The following GAB4 variants were observed in gnomAD, a reference collection of about 807,000 sequenced individuals.
GAB4 encodes the protein GRB2 associated binding protein family member 4, also known as GRB2-associated-binding protein 4.
GAB4 carries 26 observed loss-of-function variants against 51.3 expected under a neutral mutation model. That is an observed-to-expected ratio of 0.51 (90% confidence interval 0.37 to 0.70). The LOEUF is 0.70. Ranked by LOEUF, GAB4 falls within the 30% of genes least tolerant of loss-of-function variation. GAB4 has a pLI of 0.00. For missense variants in GAB4, 759 were observed against 734.6 expected (o/e 1.03, Z -0.38); for synonymous variants, 329 against 291.2 (o/e 1.13, Z -1.32).
intron 1 of GAB4, among the ~76,000 whole-genome samples, chr22:16,993,650 G>A (rs936187262): frequency 1.3e-5 from 2 of 152,152 alleles, no homozygotes; most frequent in Non-Finnish European, 2.9e-5. Context: ...AACAGCTGGA[G>A]AGAAATACAC....
chr22:16,964,595 T>C (rs1157691670), intron 8 of GAB4, among the ~76,000 whole-genome samples, 171 bp downstream of exon 8: 1 of 152,140 alleles, frequency 6.6e-6, no homozygotes, highest in Non-Finnish European at 1.5e-5. Flanking sequence ...TTCCTAACCC[T>C]AATGATTGCC....
chr22:16,969,380 G>C (rs2060710351), intron 4 of GAB4, among the ~76,000 whole-genome samples: 1 of 152,204 alleles, frequency 6.6e-6, no homozygotes, highest in African/African-American at 2.4e-5. Context: ...AGAATGTTCT[G>C]TCTCCCTTAG....
chr22:16,962,867 C>G lies in GAB4; in HGVS notation c.1591G>C (p.Gly531Arg), dbSNP rs2060640362. The stretch of plus-strand genomic sequence containing the variant: ...ACCTTCTTGCCGGACGTGACAGAGC[C>G]TATGGATGGCTGAGGGACAGAGGGT... ...LDFQPSKPSI[G>R]SVTSGKKVDY... The change falls in exon 10 of 10, where the codon GGC becomes CGC. Residue 531 changes from glycine to arginine, a missense_variant. Gly to Arg is a moderately radical substitution (Grantham distance 125). Around this residue, in one of 3 missense-constraint regions of GAB4, gnomAD observed 588 missense variants for 510.2 expected, o/e 1.15. Transcript: ENST00000400588. 1 of 1,612,628 alleles carries G rather than the reference C, an allele frequency of 6.2e-7. No individual in the cohort carries two copies. The highest frequency in any genetic ancestry group is 1.3e-5 in the African/African-American group (1 of 75,010).
Position 16,969,950 on chromosome 22 carries a change from A to G in GAB4, c.930T>C (p.Asp310=), listed in dbSNP as rs1403959522. Residue 310 remains aspartate, a synonymous_variant, in exon 4 of 10, where the codon GAT becomes GAC. Coordinates refer to ENST00000400588, the MANE Select transcript of GAB4 (RefSeq NM_001037814.1). ...TRGSLTGSEA[D]NEASSGKYTQ... is the part of the protein sequence containing the mutation. The stretch of plus-strand genomic sequence containing the variant: ...CCTTGAAGGGGTACACACCCTCATT[A>G]TCCGCCTCAGAGCCTGTGAGGCTGC... The G allele has an allele frequency of 6.2e-7, 1 of 1,614,120 alleles. No individual in the cohort carries two copies. Among genetic ancestry groups the G allele is most frequent in the Non-Finnish European group, 8.5e-7 (1 of 1,180,024 alleles).
intron 5 of GAB4, 140 bp downstream of exon 5, chr22:16,968,158 T>C: frequency 1.5e-6 from 1 of 659,840 alleles, no homozygotes. Flanking sequence ...GAACCTATGG[T>C]TCTGAACTGA....
intron 6 of GAB4, 128 bp from the exon 7 acceptor site, chr22:16,965,396 G>C: frequency 1.4e-6 from 1 of 698,932 alleles, no homozygotes; most frequent in Non-Finnish European, 2.5e-6. Context: ...TGTGTGCGGG[G>C]GACTGAGGCT....
At chr22:16,996,818 C>T (rs1308744405) in intron 1 of GAB4, among the ~76,000 whole-genome samples, 1 of 119,216 alleles carries the variant, frequency 8.4e-6, no homozygotes, top group African/African-American at 3.3e-5. Flanking sequence ...CCCCTCCCTC[C>T]ACCCCACAAC....
At chr22:16,966,065 G>C in intron 6 of GAB4, 35 bp downstream of exon 6, 2 of 1,605,284 alleles carry the variant, frequency 1.2e-6, no homozygotes, top group South Asian at 1.1e-5. Context: ...AGAGTCCCTG[G>C]ACATTGTCAA....
intron 3 of GAB4, among the ~76,000 whole-genome samples, chr22:16,970,637 C>T (rs768400993): frequency 4.6e-5 from 7 of 152,214 alleles, no homozygotes; most frequent in East Asian, 1.9e-4. Context: ...GGCTGAGAGA[C>T]GGTGGGGAGA....
chr22:16,973,594 G>A (rs1325687121), intron 3 of GAB4, among the ~76,000 whole-genome samples: 1 of 152,110 alleles, frequency 6.6e-6, no homozygotes, highest in African/African-American at 2.4e-5. Flanking sequence ...GCTTCTCTCT[G>A]ATGCATCAAA....
chr22:16,998,104 G>C (rs1351439278), intron 1 of GAB4, among the ~76,000 whole-genome samples: 1 of 152,158 alleles, frequency 6.6e-6, no homozygotes, highest in Non-Finnish European at 1.5e-5. Flanking sequence ...TGTTCTTTTG[G>C]CTTAGGATTG....
At chr22:16,974,839 C>T (rs1422829789) in intron 3 of GAB4, among the ~76,000 whole-genome samples, 1 of 152,144 alleles carries the variant, frequency 6.6e-6, no homozygotes, top group Non-Finnish European at 1.5e-5. Flanking sequence ...ACTGGTTAGA[C>T]AGCGGGTGCA....
intron 1 of GAB4, among the ~76,000 whole-genome samples, chr22:17,003,872 CA>C (rs2061017948): frequency 6.6e-6 from 1 of 152,110 alleles, no homozygotes; most frequent in African/African-American, 2.4e-5. Context: ...TTCAAAAAAT[CA>C]GTAAGTTTAG....
chr22:16,984,346 T>C lies in GAB4; in HGVS notation c.686+3614A>G, dbSNP rs143453029. On this transcript the variant is annotated intron_variant, in intron 3 of 9. Transcript: ENST00000400588. ...AAATGGGAATGCTCTATATACTCTT[T>C]GTAGGAATGTAAATTAGCACAGCCA... is the stretch of plus-strand genomic sequence containing the variant. 3.4e-3 allele frequency among the ~76,000 whole-genome samples: 524 copies of C among 152,356 alleles called. 12 individuals carry two copies. In the East Asian group the frequency reaches 0.041, roughly 12 times the overall value.
chr22:16,990,887 T>C (rs887449999), intron 2 of GAB4, among the ~76,000 whole-genome samples: 4 of 152,130 alleles, frequency 2.6e-5, no homozygotes, highest in African/African-American at 4.8e-5. Context: ...CTTACAAGAA[T>C]GAATTACTTA....
intron 3 of GAB4, among the ~76,000 whole-genome samples, chr22:16,979,654 G>C (rs1172796317): frequency 5.9e-5 from 9 of 152,152 alleles, no homozygotes; most frequent in African/African-American, 2.2e-4. Context: ...CACAGAATTA[G>C]AAAAATCTAC....
At chr22:16,979,976 G>T (rs1601264052) in intron 3 of GAB4, among the ~76,000 whole-genome samples, 1 of 152,136 alleles carries the variant, frequency 6.6e-6, no homozygotes, top group East Asian at 1.9e-4. Flanking sequence ...ACTGAAACTG[G>T]ACCGCTTCCT....
chr22:16,970,481 C>A (rs1348295617), intron 3 of GAB4, among the ~76,000 whole-genome samples: 2 of 152,178 alleles, frequency 1.3e-5, no homozygotes, highest in Non-Finnish European at 2.9e-5. Flanking sequence ...CTAATTCAAT[C>A]AAGGCAAGAC....
At chr22:16,992,547 C>T (rs376000907) in intron 1 of GAB4, among the ~76,000 whole-genome samples, 1 of 152,210 alleles carries the variant, frequency 6.6e-6, no homozygotes, top group South Asian at 2.1e-4. Context: ...GGGACCTCCA[C>T]TAAGCATGGT....
Sources: gnomAD v4.1 joint callset for allele counts (sites outside exome capture counted in the v4.1 genomes callset) on GRCh38, gnomAD v4.1.1 for gene constraint, gnomAD v4.1.1 regional missense constraint, MANE v1.5 for transcripts, NCBI Gene and HGNC (gene_info 2026-07-23, HGNC 2026-07-21) for gene names.